The following DYM variants were observed in gnomAD, a reference collection of about 807,000 sequenced individuals.
DYM encodes the protein dyggve-Melchior-Clausen syndrome protein.
DYM carries 78 observed loss-of-function variants against 93.1 expected under a neutral mutation model. That is an observed-to-expected ratio of 0.84 (90% CI 0.70 to 1.01). The LOEUF is 1.01. DYM is among the 50% of genes least tolerant of loss of function. The pLI, the probability that DYM is intolerant of heterozygous loss-of-function variation, is 0.00. For synonymous variants in DYM, 321 were observed against 319.7 expected, an observed-to-expected ratio of 1.00 and a Z score of -0.04; for missense variants, 789 against 845.0, an observed-to-expected ratio of 0.93 and a Z score of 0.82.
chr18:49,446,196 A>G (rs1036066081), intron 1 of DYM, among the ~76,000 whole-genome samples: 10 of 150,690 alleles, frequency 6.6e-5, no homozygotes, highest in Admixed American at 6.6e-5. Context: ...CCCAGGCAGG[A>G]GGACCATTTG....
intron 14 of DYM, among the ~76,000 whole-genome samples, chr18:49,203,871 T>TAAAAAAAAAAAAAAAAAAAAAAAAAAAA (rs71165370): frequency 1.6e-5 from 1 of 63,548 alleles, no homozygotes; most frequent in Non-Finnish European, 2.8e-5. Context: ...TTTAAAAAAG[T>TAAAAAAAAAAAAAAAAAAAAAAAAAAAA]AAAAAAAAAA....
intron 1 of DYM, among the ~76,000 whole-genome samples, chr18:49,457,134 G>C (rs2083048690): frequency 6.6e-6 from 1 of 152,216 alleles, no homozygotes; most frequent in African/African-American, 2.4e-5. Flanking sequence ...AAGAACCTGA[G>C]AAGAGGCTGC....
chr18:49,229,634 T>C (rs1398473888), intron 13 of DYM, among the ~76,000 whole-genome samples: 1 of 152,162 alleles, frequency 6.6e-6, no homozygotes, highest in Non-Finnish European at 1.5e-5. Context: ...GGTGAAGATG[T>C]GGAGCAACTA....
In DYM at chr18:49,286,423, A is replaced by C. The variant is rs1175727785; in HGVS notation, c.946+11T>G. The C allele has an allele frequency of 1.2e-6, 2 of 1,614,078 alleles. No homozygotes were observed. The highest frequency in any genetic ancestry group is 2.2e-5 in the South Asian group (2 of 91,084). On this transcript the variant is annotated intron_variant, in intron 9 of 17. Coordinates refer to ENST00000675505, the MANE Select transcript of DYM (RefSeq NM_001353214.3). ...CATTACAAAGAATATTAGAGAAAAA[A>C]TACCACAAACCTTGTGTGTTCTTGA...
In DYM at chr18:49,159,176, TGAA is replaced by T. The variant is rs1251139401; in HGVS notation, c.1728+4506_1728+4508del. Among the ~76,000 whole-genome samples the T allele has an allele frequency of 2.6e-5, 4 of 152,216 alleles. No individual in the cohort carries two copies. The East Asian group carries it at 5.8e-4, about 22-fold the overall frequency. On this transcript the variant is annotated intron_variant, in intron 15 of 17. Coordinates refer to ENST00000675505, the MANE Select transcript of DYM (RefSeq NM_001353214.3). ...ACAAACATTGTACAAAACAATTGAC[TGAA>T]GATAGTTTTCAATATTATTTATCCA...
intron 14 of DYM, among the ~76,000 whole-genome samples, chr18:49,197,363 G>T (rs139861109): frequency 6.6e-5 from 10 of 152,114 alleles, no homozygotes; most frequent in Middle Eastern, 3.4e-3. Context: ...ATGGCAAAAG[G>T]GGGGGAAGAA....
In DYM at chr18:49,143,817, C is replaced by CTA. The variant is rs535593444; in HGVS notation, c.1728+19866_1728+19867dup. On this transcript the variant is annotated intron_variant, in intron 15 of 17. Coordinates refer to ENST00000675505, the MANE Select transcript of DYM (RefSeq NM_001353214.3). ...GATAGTATAATGAACCTCCATGTAC[C>CTA]TATCACCCAGCCCATCAACTCATGG... is the stretch of plus-strand genomic sequence containing the variant. 5.9e-5 allele frequency among the ~76,000 whole-genome samples: 9 copies of CTA among 152,196 alleles called. No individual in the cohort carries two copies. In the South Asian group the frequency reaches 1.9e-3, roughly 32 times the overall value.
chr18:49,114,965 T>C (rs976401356), intron 16 of DYM, among the ~76,000 whole-genome samples: 1 of 152,246 alleles, frequency 6.6e-6, no homozygotes, highest in Non-Finnish European at 1.5e-5. Flanking sequence ...TGAATGTGTA[T>C]AGTGGTTAGG....
intron 17 of DYM, among the ~76,000 whole-genome samples, chr18:49,059,904 C>T (rs2075814132): frequency 6.6e-6 from 1 of 152,186 alleles, no homozygotes; most frequent in African/African-American, 2.4e-5. Flanking sequence ...TATATTTTCA[C>T]TCTTAAATAT....
At chr18:49,182,890 G>C (rs1002676060) in intron 14 of DYM, among the ~76,000 whole-genome samples, 1 of 152,116 alleles carries the variant, frequency 6.6e-6, no homozygotes, top group African/African-American at 2.4e-5. Flanking sequence ...GTCTGTTTTG[G>C]TTGTTGTTTC....
intron 15 of DYM, among the ~76,000 whole-genome samples, chr18:49,125,995 A>G (rs189077179): frequency 6.6e-6 from 1 of 152,354 alleles, no homozygotes; most frequent in African/African-American, 2.4e-5. Context: ...GCACTTTGCT[A>G]GATGTCTAGC....
chr18:49,441,853 G>C (rs979267450), intron 1 of DYM, among the ~76,000 whole-genome samples: 3 of 152,088 alleles, frequency 2.0e-5, no homozygotes, highest in Non-Finnish European at 4.4e-5. Context: ...TCTCTCCCCA[G>C]GAAAAGACTA....
intron 2 of DYM, among the ~76,000 whole-genome samples, chr18:49,423,758 A>T (rs145720487): frequency 0.091 from 13,868 of 152,220 alleles, 848 homozygotes; most frequent in East Asian, 0.31. Flanking sequence ...ATCAGAGAAT[A>T]CTATAAACAC....
At chr18:49,118,541 C>G (rs1374518747) in intron 16 of DYM, 6 of 553,738 alleles carry the variant, frequency 1.1e-5, no homozygotes, top group Non-Finnish European at 1.9e-5. Flanking sequence ...TGAAGTATGA[C>G]TTCAATTGTA....
intron 8 of DYM, among the ~76,000 whole-genome samples, chr18:49,300,467 G>A (rs1232589207): frequency 6.6e-6 from 1 of 151,948 alleles, no homozygotes; most frequent in Admixed American, 6.6e-5. Context: ...AGGCATGGTG[G>A]CGCATGCCTG....
At chr18:49,301,812 G>A (rs1400101054) in intron 8 of DYM, among the ~76,000 whole-genome samples, 1 of 152,162 alleles carries the variant, frequency 6.6e-6, no homozygotes, top group Non-Finnish European at 1.5e-5. Context: ...CAGCCTGATA[G>A]TGGCACCTGC....
At chr18:49,222,758 C>G (rs2093410612) in intron 13 of DYM, among the ~76,000 whole-genome samples, 1 of 152,154 alleles carries the variant, frequency 6.6e-6, no homozygotes, top group South Asian at 2.1e-4. Flanking sequence ...TTACTCCCCT[C>G]TTTCCAACTA....
At chr18:49,216,514 A>C (rs1675338528) in intron 13 of DYM, among the ~76,000 whole-genome samples, 1 of 152,204 alleles carries the variant, frequency 6.6e-6, no homozygotes, top group Non-Finnish European at 1.5e-5. Context: ...CAGTAGGGGC[A>C]GACTGACATC....
At chr18:49,261,061 T>C (rs1169498966) in intron 11 of DYM, among the ~76,000 whole-genome samples, 1 of 152,148 alleles carries the variant, frequency 6.6e-6, no homozygotes, top group African/African-American at 2.4e-5. Context: ...AATAGATCAT[T>C]CTCTAGCAAG....
Sources: allele counts gnomAD v4.1 joint callset (sites outside exome capture counted in the v4.1 genomes callset), GRCh38; gene constraint gnomAD v4.1.1; transcripts MANE v1.5; gene names NCBI Gene and HGNC (gene_info 2026-07-23, HGNC 2026-07-21).